The following MCTP2 variants were observed in gnomAD, a reference collection of about 807,000 sequenced individuals.
The protein encoded by MCTP2 is multiple C2 and transmembrane domain-containing protein 2.
Under a neutral mutation model 111.6 loss-of-function variants are expected in MCTP2, and 132 were observed. The ratio of observed to expected loss-of-function variants is 1.18; its 90% confidence interval spans 1.03 to 1.37. The LOEUF is 1.37. Ranked by LOEUF, MCTP2 falls within the 40% of genes most tolerant of loss-of-function variation. The pLI, the probability that MCTP2 is intolerant of heterozygous loss-of-function variation, is 0.00. For missense variants in MCTP2, 1,183 were observed against 1,067.9 expected (o/e 1.11, Z -1.50); for synonymous variants, 395 against 387.7 (o/e 1.02, Z -0.22).
intron 1 of MCTP2, among the ~76,000 whole-genome samples, chr15:94,255,698 G>A (rs144755720): frequency 1.4e-4 from 21 of 152,254 alleles, no homozygotes; most frequent in African/African-American, 4.8e-4. Context: ...AGCAGAAGCC[G>A]TGGTCAACTC....
intron 19 of MCTP2, among the ~76,000 whole-genome samples, chr15:94,453,826 C>G (rs576389747): frequency 1.3e-5 from 2 of 152,224 alleles, no homozygotes; most frequent in African/African-American, 4.8e-5. Flanking sequence ...AGTCATAAAC[C>G]TGCCAAAGAA....
At chr15:94,376,895 T>C (rs2079806292) in intron 12 of MCTP2, among the ~76,000 whole-genome samples, 1 of 152,218 alleles carries the variant, frequency 6.6e-6, no homozygotes, top group African/African-American at 2.4e-5. Flanking sequence ...GTTTTATTAG[T>C]ATAAAATAGC....
chr15:94,245,568 GTATA>G (rs1318734295), intron 1 of MCTP2, among the ~76,000 whole-genome samples: 4 of 140,826 alleles, frequency 2.8e-5, no homozygotes, highest in East Asian at 4.1e-4. Flanking sequence ...ATACATATAT[GTATA>G]TATACGTATA....
intron 14 of MCTP2, among the ~76,000 whole-genome samples, chr15:94,391,638 C>T (rs2080984489): frequency 6.6e-6 from 1 of 152,180 alleles, no homozygotes; most frequent in South Asian, 2.1e-4. Context: ...TTCTCATTGT[C>T]TACTCCTGGT....
At chr15:94,405,188 A>C (rs781084673) in intron 17 of MCTP2, among the ~76,000 whole-genome samples, 4 of 152,240 alleles carry the variant, frequency 2.6e-5, no homozygotes, top group Non-Finnish European at 4.4e-5. Flanking sequence ...GTGACAGTAC[A>C]GGAAGTGATG....
chr15:94,269,555 C>T (rs943055123), intron 1 of MCTP2, among the ~76,000 whole-genome samples: 1 of 152,184 alleles, frequency 6.6e-6, no homozygotes, highest in African/African-American at 2.4e-5. Flanking sequence ...TGTATAAGCT[C>T]TCTCGTGGAC....
intron 1 of MCTP2, among the ~76,000 whole-genome samples, chr15:94,243,575 A>G (rs2071308057): frequency 6.7e-6 from 1 of 149,802 alleles, no homozygotes; most frequent in South Asian, 2.1e-4. Context: ...GTACATACAT[A>G]CGTATGCGTA....
Position 94,384,133 on chromosome 15 carries a change from T to C in MCTP2, c.1685+9T>C, listed in dbSNP as rs1421411946. Reference sequence around the variant, plus strand: ...AACAAAGTTTTTACATTGTAAGTGCTTTAGCCTCTGGAATTATTTCTGCTG... The same window carrying C: ...AACAAAGTTTTTACATTGTAAGTGCCTTAGCCTCTGGAATTATTTCTGCTG... On this transcript the variant is annotated intron_variant, in intron 13 of 22. Coordinates refer to ENST00000357742, the MANE Select transcript of MCTP2 (RefSeq NM_001385001.1). The C allele has an allele frequency of 6.3e-7, 1 of 1,587,656 alleles. No individual in the cohort carries two copies. Among genetic ancestry groups the C allele is most frequent in the Non-Finnish European group, 8.6e-7 (1 of 1,157,126 alleles).
At chr15:94,430,286 G>T (rs998701466) in intron 17 of MCTP2, among the ~76,000 whole-genome samples, 1 of 151,758 alleles carries the variant, frequency 6.6e-6, no homozygotes, top group African/African-American at 2.4e-5. Flanking sequence ...GCCAACTCCT[G>T]TTCCTTTTTC....
chr15:94,382,545 G>C (rs2080201956), intron 12 of MCTP2, among the ~76,000 whole-genome samples: 1 of 152,254 alleles, frequency 6.6e-6, no homozygotes, highest in Non-Finnish European at 1.5e-5. Flanking sequence ...CCATGCGTCT[G>C]CTCTTCTCCT....
intron 1 of MCTP2, among the ~76,000 whole-genome samples, chr15:94,257,602 T>TTTG (rs2072899601): frequency 1.6e-5 from 2 of 124,448 alleles, no homozygotes; most frequent in African/African-American, 6.1e-5. Context: ...TTTTTTTTTT[T>TTTG]TTGAGACGGA....
intron 14 of MCTP2, among the ~76,000 whole-genome samples, chr15:94,393,449 A>G (rs2081105309): frequency 1.3e-5 from 2 of 152,356 alleles, no homozygotes; most frequent in South Asian, 4.1e-4. Context: ...GTGTCGGTGT[A>G]TTACAGCAAA....
At chr15:94,320,608 T>G (rs4328383) in intron 4 of MCTP2, among the ~76,000 whole-genome samples, 128,648 of 152,186 alleles carry the variant, frequency 0.85, 54,575 homozygotes, top group East Asian at 0.93. Flanking sequence ...GAATGAACAG[T>G]ATTTAGTCAC....
chr15:94,249,490 T>A (rs1041825780), intron 1 of MCTP2, among the ~76,000 whole-genome samples: 3 of 147,058 alleles, frequency 2.0e-5, no homozygotes, highest in African/African-American at 7.4e-5. Context: ...CTCAGAATCT[T>A]TTTTTTTTTT....
chr15:94,283,604 T>C (rs568547239), intron 1 of MCTP2, among the ~76,000 whole-genome samples: 1 of 152,202 alleles, frequency 6.6e-6, no homozygotes, highest in Non-Finnish European at 1.5e-5. Context: ...GGAATGAGTC[T>C]TACTGCTTGG....
At chr15:94,302,517 A>G (rs2075668613) in intron 2 of MCTP2, among the ~76,000 whole-genome samples, 1 of 152,204 alleles carries the variant, frequency 6.6e-6, no homozygotes, top group Non-Finnish European at 1.5e-5. Flanking sequence ...TGTAAAACCA[A>G]AAGGTGAGAA....
At position 94,478,936 on chromosome 15, in the gene MCTP2, C is replaced by T. The variant is rs371794858; in HGVS notation, c.2569-30C>T. On this transcript the variant is annotated intron_variant, in intron 22 of 22. Coordinates refer to ENST00000357742, the MANE Select transcript of MCTP2 (RefSeq NM_001385001.1). ...CTGTGGCGAGCTAGGGTTACCTAAC[C>T]GCCAGCATCACGGCTATTTGTTTTC... 1.1e-3 allele frequency: 1,847 copies of T among 1,610,318 alleles called. 3 individuals are homozygous for T. Among genetic ancestry groups the T allele is most frequent in the Non-Finnish European group, 1.4e-3 (1,622 of 1,177,536 alleles).
At chr15:94,380,807 C>T (rs2152452119) in intron 12 of MCTP2, among the ~76,000 whole-genome samples, 1 of 151,822 alleles carries the variant, frequency 6.6e-6, no homozygotes, top group African/African-American at 2.4e-5. Context: ...AATGATATGA[C>T]AATTGTAACA....
chr15:94,354,306 C>T (rs550987907), intron 8 of MCTP2, among the ~76,000 whole-genome samples: 5 of 152,050 alleles, frequency 3.3e-5, no homozygotes, highest in Admixed American at 6.5e-5. Context: ...ACTTTGTGTC[C>T]CCACCCAAAT....
Sources: gnomAD v4.1 joint callset for allele counts (sites outside exome capture counted in the v4.1 genomes callset) on GRCh38, gnomAD v4.1.1 for gene constraint, MANE v1.5 for transcripts, NCBI Gene and HGNC (gene_info 2026-07-23, HGNC 2026-07-21) for gene names.